Variants in CTIF observed in about 807,000 individuals in gnomAD.
CTIF encodes cap binding complex dependent translation initiation factor.
CTIF carries 21 observed loss-of-function variants against 66.0 expected under a neutral mutation model. The ratio of observed to expected loss-of-function variants is 0.32; its 90% CI spans 0.23 to 0.46. The LOEUF is 0.46. CTIF is among the 20% of genes least tolerant of loss of function. The probability of loss-of-function intolerance (pLI) is 1.00; values close to 1 mark genes in which losing one functional copy is unlikely to be tolerated. For missense variants in CTIF, 739 were observed against 812.7 expected, an observed-to-expected ratio of 0.91 and a Z score of 1.10; for synonymous variants, 345 against 326.4, an observed-to-expected ratio of 1.06 and a Z score of -0.62.
chr18:48,761,444 A>G lies in CTIF; in HGVS notation c.1126A>G (p.Ile376Val). 6.2e-7 allele frequency: 1 copy of G among 1,614,124 alleles called. No individual in the cohort carries two copies. The highest frequency in any genetic ancestry group is 8.5e-7 in the Non-Finnish European group (1 of 1,180,048). The change falls in exon 9 of 12, where the codon ATC (isoleucine) becomes GTC (valine). Residue 376 changes from isoleucine (I) to valine (V), a missense_variant. By Grantham distance (29) the Ile-to-Val change is conservative (BLOSUM62 3). Transcript: ENST00000256413. The surrounding 1 kb of genome is among the most constrained non-coding windows in gnomAD (Gnocchi z 4.2). ...TPQQNKMDKLIEILNSMRNNS... is the reference protein window; with the variant it reads ...TPQQNKMDKLVEILNSMRNNS... Reference sequence around the variant, plus strand: ...CCAGCAGAACAAGATGGACAAGCTGATCGAGATCCTGAACAGCATGCGGAA... The same window carrying G: ...CCAGCAGAACAAGATGGACAAGCTGGTCGAGATCCTGAACAGCATGCGGAA...
intron 6 of CTIF, among the ~76,000 whole-genome samples, chr18:48,695,178 T>C (rs1193892102): frequency 6.6e-6 from 1 of 152,244 alleles, no homozygotes; most frequent in African/African-American, 2.4e-5. Context: ...TACAGCAACC[T>C]TGTAAATGTA....
intron 6 of CTIF, among the ~76,000 whole-genome samples, chr18:48,708,369 A>G (rs1183598924): frequency 6.6e-6 from 1 of 152,158 alleles, no homozygotes; most frequent in Non-Finnish European, 1.5e-5. Flanking sequence ...CCTGAGTTGT[A>G]TGTGTCTCTT....
chr18:48,599,843 G>T (rs2090058182), intron 1 of CTIF, among the ~76,000 whole-genome samples: 1 of 152,188 alleles, frequency 6.6e-6, no homozygotes, highest in Admixed American at 6.5e-5. Flanking sequence ...AGATGGACAA[G>T]GCCCCCAGTG....
chr18:48,689,892 A>G (rs1217116420), intron 6 of CTIF, among the ~76,000 whole-genome samples: 1 of 152,202 alleles, frequency 6.6e-6, no homozygotes, highest in Non-Finnish European at 1.5e-5. Context: ...GCTTGCAGTC[A>G]TGGCTGAGCC....
chr18:48,621,660 G>A, intron 2 of CTIF: 1 of 308,360 alleles, frequency 3.2e-6, no homozygotes, highest in Non-Finnish European at 6.3e-6. Flanking sequence ...GGCTGAGAAT[G>A]GCTGACTGAG....
At chr18:48,702,586 G>A (rs1299747344) in intron 6 of CTIF, among the ~76,000 whole-genome samples, 2 of 152,190 alleles carry the variant, frequency 1.3e-5, no homozygotes, top group Non-Finnish European at 2.9e-5. Flanking sequence ...TGTGTGGGGT[G>A]CCAGGGCTCA....
chr18:48,830,799 T>C (rs917847343), intron 10 of CTIF, among the ~76,000 whole-genome samples: 1 of 150,930 alleles, frequency 6.6e-6, no homozygotes. Context: ...CTTCTCTTCA[T>C]TGCCCTACTA....
Position 48,701,870 on chromosome 18 carries a change from A to T in CTIF, c.508-9749A>T, listed in dbSNP as rs573582469. On this transcript the variant is annotated intron_variant, in intron 6 of 11. Transcript: ENST00000256413. The stretch of plus-strand genomic sequence containing the variant: ...TGCTTTCCATGACTTCCTGGATATA[A>T]TAAGATCAGCCCCACTGACTCCTAA... Among the ~76,000 whole-genome samples, 3 of 152,316 alleles carry T rather than the reference A, an allele frequency of 2.0e-5. No individual in the cohort carries two copies. In the South Asian group the frequency reaches 6.2e-4, roughly 32 times the overall value.
At chr18:48,608,080 C>T (rs1475465595) in intron 1 of CTIF, among the ~76,000 whole-genome samples, 3 of 152,106 alleles carry the variant, frequency 2.0e-5, no homozygotes, top group African/African-American at 4.8e-5. Flanking sequence ...CTTTCGAACT[C>T]GGATGCCTTA....
intron 3 of CTIF, among the ~76,000 whole-genome samples, chr18:48,653,759 C>T (rs1320617711): frequency 6.6e-6 from 1 of 152,168 alleles, no homozygotes; most frequent in Admixed American, 6.5e-5. Context: ...AACAGCATTG[C>T]ACTGGTACCA....
intron 1 of CTIF, among the ~76,000 whole-genome samples, chr18:48,607,850 C>T (rs1171341127): frequency 1.3e-5 from 2 of 152,220 alleles, no homozygotes; most frequent in Non-Finnish European, 2.9e-5. Flanking sequence ...TGGCTATCTT[C>T]AGCCAGGTTA....
intron 7 of CTIF, among the ~76,000 whole-genome samples, chr18:48,745,211 G>T (rs781311488): frequency 6.6e-6 from 1 of 152,106 alleles, no homozygotes; most frequent in Non-Finnish European, 1.5e-5. Context: ...GTCCCTCAGC[G>T]TCGGTTTCTC....
At chr18:48,842,362 GTAT>G (rs2068965028) in intron 10 of CTIF, among the ~76,000 whole-genome samples, 1 of 152,144 alleles carries the variant, frequency 6.6e-6, no homozygotes, top group Non-Finnish European at 1.5e-5. Context: ...GGCCTGGTGA[GTAT>G]TATTCCCGTT....
chr18:48,583,162 C>G (rs1248633083), intron 1 of CTIF, among the ~76,000 whole-genome samples: 1 of 152,144 alleles, frequency 6.6e-6, no homozygotes, highest in African/African-American at 2.4e-5. Flanking sequence ...CCCAGTTGCA[C>G]CTGGTGTGAC....
chr18:48,851,850 G>C (rs2069208950), intron 10 of CTIF, among the ~76,000 whole-genome samples: 1 of 152,036 alleles, frequency 6.6e-6, no homozygotes, highest in African/African-American at 2.4e-5. Flanking sequence ...CCTTTCCTGT[G>C]ATTTCTACCA....
intron 7 of CTIF, 43 bp downstream of exon 7, chr18:48,711,738 C>G (rs1568156898): frequency 1.3e-6 from 2 of 1,528,784 alleles, no homozygotes; most frequent in Non-Finnish European, 9.1e-7. Context: ...TCCTTTCCTG[C>G]TTCTGCCATC....
intron 3 of CTIF, among the ~76,000 whole-genome samples, chr18:48,652,991 A>T (rs1324869286): frequency 6.6e-6 from 1 of 152,226 alleles, no homozygotes; most frequent in Non-Finnish European, 1.5e-5. Context: ...AAATAATTAG[A>T]GCTATCTATG....
At chr18:48,724,788 C>T (rs1215243220) in intron 7 of CTIF, among the ~76,000 whole-genome samples, 5 of 152,212 alleles carry the variant, frequency 3.3e-5, no homozygotes, top group African/African-American at 1.2e-4. Context: ...GGAGGGCAAG[C>T]CCCGGGATCC....
intron 10 of CTIF, among the ~76,000 whole-genome samples, chr18:48,819,836 G>A (rs1386069574): frequency 1.3e-5 from 2 of 152,226 alleles, no homozygotes; most frequent in Admixed American, 6.5e-5. Context: ...ACTGCACCAC[G>A]TTGGGAAGCA....
Sources: gnomAD v4.1 joint callset for allele counts (sites outside exome capture counted in the v4.1 genomes callset) on GRCh38, gnomAD v4.1.1 for gene constraint, Gnocchi (gnomAD v3.1) non-coding constraint, MANE v1.5 for transcripts, NCBI Gene and HGNC (gene_info 2026-07-23, HGNC 2026-07-21) for gene names.